Variants in DENND5B observed in about 807,000 individuals in gnomAD.
The protein encoded by DENND5B is DENN domain containing 5B.
Under a neutral mutation model 140.6 loss-of-function variants are expected in DENND5B, and 34 were observed. The observed-to-expected ratio is 0.24, with a 90% CI of 0.18 to 0.32. The LOEUF (loss-of-function observed/expected upper bound fraction) is 0.32. Among genes scored for constraint, DENND5B ranks in the 10% least tolerant of loss-of-function variants. DENND5B has a pLI of 1.00. For missense variants in DENND5B, 1,142 were observed against 1,560.2 expected (o/e 0.73, Z 4.52); for synonymous variants, 551 against 562.1 (o/e 0.98, Z 0.28).
chr12:31,402,600 G>A lies in DENND5B; in HGVS notation c.2847C>T (p.Ser949=). The A allele has an allele frequency of 6.2e-7, 1 of 1,613,600 alleles. No homozygotes were observed. Among genetic ancestry groups the A allele is most frequent in the Non-Finnish European group, 8.5e-7 (1 of 1,179,704 alleles). The change falls in exon 15 of 21, where the codon AGC becomes AGT. Residue 949 remains serine (S), a synonymous_variant. Transcript: ENST00000389082. The stretch of plus-strand genomic sequence containing the variant: ...AAGGGTTTGATGTGATTATTGCATT[G>A]CTCAGCTTTTTGATTGGGATGATCA... ...RSVIIPIKKL[S]NAIITSNPWI...
intron 1 of DENND5B, among the ~76,000 whole-genome samples, chr12:31,527,761 G>A (rs1398305103): frequency 6.6e-6 from 1 of 151,872 alleles, no homozygotes; most frequent in Non-Finnish European, 1.5e-5. Context: ...CTGCGTGACA[G>A]AGCAAGACTC....
intron 1 of DENND5B, among the ~76,000 whole-genome samples, chr12:31,580,293 T>A (rs538510721): frequency 3.9e-5 from 6 of 152,240 alleles, no homozygotes. Flanking sequence ...AAATGGTTAA[T>A]TTTATTTACC....
chr12:31,531,452 T>G (rs1307176479), intron 1 of DENND5B, among the ~76,000 whole-genome samples: 2 of 152,226 alleles, frequency 1.3e-5, no homozygotes, highest in African/African-American at 4.8e-5. Flanking sequence ...TGCCTCAGCC[T>G]CCCAAAGTGC....
intron 1 of DENND5B, among the ~76,000 whole-genome samples, chr12:31,587,526 C>T (rs901811166): frequency 4.7e-4 from 35 of 74,948 alleles, no homozygotes; most frequent in Non-Finnish European, 6.3e-4. Context: ...CCACAAATAC[C>T]TTTTTTTTTT....
chr12:31,432,565 G>C (rs912908952), intron 8 of DENND5B: 1 of 152,116 alleles, frequency 6.6e-6, no homozygotes, highest in African/African-American at 2.4e-5. Context: ...AGGAGTTCAA[G>C]ACCTGGGCAA....
chr12:31,413,692 T>C (rs983033087), intron 12 of DENND5B, 128 bp from the exon 13 acceptor site: 4 of 1,009,908 alleles, frequency 4.0e-6, no homozygotes, highest in African/African-American at 1.6e-5. Flanking sequence ...TAATATACAA[T>C]TGATGTTGAT....
chr12:31,409,788 C>G (rs981567256), intron 13 of DENND5B, among the ~76,000 whole-genome samples: 13 of 151,718 alleles, frequency 8.6e-5, no homozygotes, highest in Non-Finnish European at 7.4e-5. Flanking sequence ...CATTTTTTTT[C>G]TTTTGTTTCT....
rs147536108 is a variant in DENND5B, at chr12:31,565,373, G to T, written c.127+25333C>A. On this transcript the variant is annotated intron_variant, in intron 1 of 20. Transcript: ENST00000389082. ...CATCTCACAAAAAAACGAAAGAAAA[G>T]AAAGGAGTAAATCTATTGAGTCCTT... is the stretch of plus-strand genomic sequence containing the variant. Among the ~76,000 whole-genome samples the T allele has an allele frequency of 1.6e-4, 25 of 152,278 alleles. No individual in the cohort carries two copies. In the East Asian group the frequency reaches 4.2e-3, roughly 26 times the overall value.
intron 1 of DENND5B, among the ~76,000 whole-genome samples, chr12:31,505,415 T>C (rs932804689): frequency 3.9e-5 from 6 of 152,076 alleles, no homozygotes; most frequent in African/African-American, 1.4e-4. Context: ...TTTTGTAGTT[T>C]TAGTAGAGAC....
chr12:31,541,846 A>G (rs528873629), intron 1 of DENND5B, among the ~76,000 whole-genome samples: 2 of 152,358 alleles, frequency 1.3e-5, no homozygotes, highest in African/African-American at 4.8e-5. Flanking sequence ...GTACTTATAC[A>G]TAATGGAGCA....
intron 3 of DENND5B, among the ~76,000 whole-genome samples, chr12:31,464,697 A>G (rs754912037): frequency 3.3e-5 from 5 of 152,022 alleles, no homozygotes; most frequent in Non-Finnish European, 7.4e-5. Flanking sequence ...AGTAGCTTGG[A>G]TTACAGCTGT....
intron 1 of DENND5B, among the ~76,000 whole-genome samples, chr12:31,538,425 A>G (rs1380771903): frequency 6.6e-6 from 1 of 152,208 alleles, no homozygotes; most frequent in African/African-American, 2.4e-5. Flanking sequence ...GCTATGGGAT[A>G]CAACAAAAGC....
At chr12:31,550,819 T>C (rs575631868) in intron 1 of DENND5B, among the ~76,000 whole-genome samples, 155 of 152,364 alleles carry the variant, frequency 1.0e-3, no homozygotes, top group African/African-American at 3.6e-3. Context: ...TGGCCAGTGA[T>C]GATGAGCATT....
intron 1 of DENND5B, among the ~76,000 whole-genome samples, chr12:31,498,694 C>G (rs532982199): frequency 6.6e-6 from 1 of 151,886 alleles, no homozygotes; most frequent in Non-Finnish European, 1.5e-5. Context: ...AGAAATGGGC[C>G]GGGCACTGTG....
At chr12:31,498,897 C>T (rs1244933797) in intron 1 of DENND5B, among the ~76,000 whole-genome samples, 1 of 141,914 alleles carries the variant, frequency 7.0e-6, no homozygotes, top group Non-Finnish European at 1.5e-5. Context: ...CAGTTGAACC[C>T]GGGAGGTGGG....
intron 1 of DENND5B, among the ~76,000 whole-genome samples, chr12:31,573,702 G>A (rs1949902296): frequency 1.3e-5 from 2 of 152,190 alleles, no homozygotes; most frequent in South Asian, 4.1e-4. Flanking sequence ...CTGGGGTCTA[G>A]GGCATTTGCT....
chr12:31,410,399 T>A (rs1942388082), intron 13 of DENND5B, among the ~76,000 whole-genome samples: 1 of 152,126 alleles, frequency 6.6e-6, no homozygotes, highest in Non-Finnish European at 1.5e-5. Flanking sequence ...TTTTATTATT[T>A]ATTTATTTAT....
intron 14 of DENND5B, among the ~76,000 whole-genome samples, chr12:31,403,390 CTT>C (rs11340235): frequency 3.1e-4 from 44 of 140,676 alleles, no homozygotes; most frequent in Non-Finnish European, 4.3e-4. Flanking sequence ...CTTTTTTTTT[CTT>C]TTTTTTTTTT....
intron 1 of DENND5B, among the ~76,000 whole-genome samples, chr12:31,497,816 A>ATG (rs1565639391): frequency 1.2e-3 from 1 of 826 alleles, no homozygotes; most frequent in Non-Finnish European, 2.7e-3. Context: ...GGGGCAGCGG[A>ATG]GGGGGCAGGG....
Sources: allele counts gnomAD v4.1 joint callset (sites outside exome capture counted in the v4.1 genomes callset), GRCh38; gene constraint gnomAD v4.1.1; transcripts MANE v1.5; gene names NCBI Gene and HGNC (gene_info 2026-07-23, HGNC 2026-07-21).